The following NKAIN3 variants were observed in gnomAD, a reference collection of about 807,000 sequenced individuals.
NKAIN3 encodes the protein sodium/potassium-transporting ATPase subunit beta-1-interacting protein 3.
Under a neutral mutation model 30.2 loss-of-function variants are expected in NKAIN3, and 25 were observed. The ratio of observed to expected loss-of-function variants is 0.83; its 90% confidence interval spans 0.60 to 1.16. NKAIN3 has a LOEUF of 1.16. NKAIN3 is among the 50% of genes most tolerant of loss of function. The probability of loss-of-function intolerance (pLI) is 0.00; values close to 1 mark genes in which losing one functional copy is unlikely to be tolerated. For synonymous variants in NKAIN3, 91 were observed against 89.6 expected, an observed-to-expected ratio of 1.02 and a Z score of -0.09; for missense variants, 225 against 254.1, an observed-to-expected ratio of 0.89 and a Z score of 0.78.
At chr8:62,521,443 C>G (rs947877412) in intron 1 of NKAIN3, among the ~76,000 whole-genome samples, 1 of 152,050 alleles carries the variant, frequency 6.6e-6, no homozygotes, top group African/African-American at 2.4e-5. Flanking sequence ...TGGAAGAGTC[C>G]TTTCTATGGC....
Position 62,512,905 on chromosome 8 carries a change from G to A in NKAIN3, c.55-66634G>A, listed in dbSNP as rs114232638. 4.2e-3 allele frequency among the ~76,000 whole-genome samples: 638 copies of A among 152,152 alleles called. 4 individuals carry two copies. Among genetic ancestry groups the A allele is most frequent in the African/African-American group, 0.015 (605 of 41,522 alleles). On this transcript the variant is annotated intron_variant, in intron 1 of 6. Coordinates refer to ENST00000623646, the MANE Select transcript of NKAIN3 (RefSeq NM_001304533.3). ...GGTGCATTACCAACAAGTGACAAATGACTGTCCTCCCAACAAGTATTTAGA... is the reference window on the plus strand; with the variant it reads ...GGTGCATTACCAACAAGTGACAAATAACTGTCCTCCCAACAAGTATTTAGA...
rs142866096 is a variant in NKAIN3, at chr8:62,968,608, T to C, written c.*3201T>C. Among the ~76,000 whole-genome samples, 30 of 152,318 alleles carry C rather than the reference T, an allele frequency of 2.0e-4. No individual in the cohort carries two copies. Among genetic ancestry groups the C allele is most frequent in the African/African-American group, 7.2e-4 (30 of 41,578 alleles). ...GAAGTGGCCCTGGCAAAACTGAAGA[T>C]AGGACATCCACTGCTCTTTAGCTTC... On this transcript the variant is annotated 3_prime_UTR_variant, in exon 7 of 7. Transcript: ENST00000623646.
chr8:62,833,840 C>T (rs185355374), intron 4 of NKAIN3, among the ~76,000 whole-genome samples: 3 of 152,104 alleles, frequency 2.0e-5, no homozygotes, highest in Admixed American at 2.0e-4. Context: ...CCAGCATTAC[C>T]CTGATACCAA....
intron 3 of NKAIN3, among the ~76,000 whole-genome samples, chr8:62,686,678 T>C (rs1329831385): frequency 2.0e-5 from 3 of 152,208 alleles, no homozygotes; most frequent in East Asian, 1.9e-4. Flanking sequence ...TTCGAGTCCA[T>C]CTTTTTATTG....
chr8:62,990,133 G>A (rs772907645), intron 5 of NKAIN3: 45 of 961,444 alleles, frequency 4.7e-5, no homozygotes, highest in Admixed American at 1.4e-4. Flanking sequence ...TTTAAATGTT[G>A]ATATTTTAAA....
Position 62,303,465 on chromosome 8 carries a change from C to T in NKAIN3, c.54+54338C>T, listed in dbSNP as rs374702252. Among the ~76,000 whole-genome samples the T allele has an allele frequency of 2.4e-4, 36 of 150,682 alleles. No homozygotes were observed. In the South Asian group the frequency reaches 7.5e-3, roughly 31 times the overall value. Reference sequence around the variant, plus strand: ...TGAAGTTTATCTGAACCAGATGATGCTAATTGCAGAATAGATTGTCTTAAA... The same window carrying T: ...TGAAGTTTATCTGAACCAGATGATGTTAATTGCAGAATAGATTGTCTTAAA... On this transcript the variant is annotated intron_variant, in intron 1 of 6. Coordinates refer to ENST00000623646, the MANE Select transcript of NKAIN3 (RefSeq NM_001304533.3).
intron 1 of NKAIN3, among the ~76,000 whole-genome samples, chr8:62,301,885 G>T (rs1446355812): frequency 6.6e-6 from 1 of 152,032 alleles, no homozygotes; most frequent in Non-Finnish European, 1.5e-5. Context: ...AGCCAGGGAT[G>T]CCAATAGAAA....
intron 1 of NKAIN3, among the ~76,000 whole-genome samples, chr8:62,405,147 C>T (rs569200713): frequency 6.6e-6 from 1 of 152,270 alleles, no homozygotes; most frequent in African/African-American, 2.4e-5. Flanking sequence ...ACAAAGTCCT[C>T]TTTACTTTTC....
At chr8:62,925,379 A>G (rs1214970422) in intron 5 of NKAIN3, among the ~76,000 whole-genome samples, 4 of 152,118 alleles carry the variant, frequency 2.6e-5, no homozygotes, top group African/African-American at 9.7e-5. Context: ...GTACCACAGG[A>G]AAAAAAATGA....
At chr8:62,689,801 G>A (rs974751847) in intron 3 of NKAIN3, among the ~76,000 whole-genome samples, 10 of 151,724 alleles carry the variant, frequency 6.6e-5, no homozygotes, top group South Asian at 2.1e-4. Flanking sequence ...TTCAATCATC[G>A]AGTCAGATGA....
intron 4 of NKAIN3, among the ~76,000 whole-genome samples, chr8:62,803,015 GA>G (rs1411403229): frequency 2.0e-5 from 3 of 152,156 alleles, no homozygotes; most frequent in African/African-American, 7.2e-5. Flanking sequence ...AAGAGACAAA[GA>G]AGGCCATTAT....
intron 1 of NKAIN3, among the ~76,000 whole-genome samples, chr8:62,556,148 A>G (rs1414968591): frequency 3.9e-5 from 6 of 152,018 alleles, no homozygotes; most frequent in East Asian, 1.9e-4. Flanking sequence ...AGACACTAAC[A>G]TTGACTGAAT....
chr8:62,284,860 T>C (rs151146825), intron 1 of NKAIN3, among the ~76,000 whole-genome samples: 4 of 152,260 alleles, frequency 2.6e-5, no homozygotes, highest in Admixed American at 2.6e-4. Flanking sequence ...CCTGGGTAAC[T>C]GTGGTTCAGA....
At chr8:62,872,147 T>C (rs1820666715) in intron 4 of NKAIN3, among the ~76,000 whole-genome samples, 2 of 152,334 alleles carry the variant, frequency 1.3e-5, no homozygotes, top group Non-Finnish European at 2.9e-5. Context: ...GCTTATACCA[T>C]ATAGCCTAGA....
At chr8:62,725,639 T>G (rs1254974097) in intron 3 of NKAIN3, among the ~76,000 whole-genome samples, 2 of 152,154 alleles carry the variant, frequency 1.3e-5, no homozygotes, top group Non-Finnish European at 2.9e-5. Context: ...TCTTTGCACC[T>G]TTGTCAAAAA....
chr8:62,808,303 G>T (rs1818369496), intron 4 of NKAIN3, among the ~76,000 whole-genome samples: 1 of 152,040 alleles, frequency 6.6e-6, no homozygotes, highest in African/African-American at 2.4e-5. Flanking sequence ...GTAGCTTTTT[G>T]TTACTCCGAA....
chr8:62,345,469 A>ATG (rs1216584913), intron 1 of NKAIN3, among the ~76,000 whole-genome samples: 2 of 24,146 alleles, frequency 8.3e-5, no homozygotes, highest in African/African-American at 1.7e-4. Flanking sequence ...ATATACACAT[A>ATG]TATACACATA....
chr8:62,803,252 C>G (rs1222975765), intron 4 of NKAIN3, among the ~76,000 whole-genome samples: 2 of 152,156 alleles, frequency 1.3e-5, no homozygotes, highest in East Asian at 3.9e-4. Flanking sequence ...CCCAGCTCTG[C>G]ACCAAGGGGA....
intron 1 of NKAIN3, among the ~76,000 whole-genome samples, chr8:62,554,560 G>C (rs1048804365): frequency 2.6e-5 from 4 of 152,130 alleles, no homozygotes; most frequent in African/African-American, 4.8e-5. Context: ...ACATGGATTT[G>C]TAAACTAAAT....
Sources: gnomAD v4.1 joint callset for allele counts (sites outside exome capture counted in the v4.1 genomes callset) on GRCh38, gnomAD v4.1.1 for gene constraint, MANE v1.5 for transcripts, NCBI Gene and HGNC (gene_info 2026-07-23, HGNC 2026-07-21) for gene names.